LRP1B: variants seen among roughly 807,000 people sequenced by gnomAD.
LRP1B encodes the protein low-density lipoprotein receptor-related protein 1B.
In LRP1B, 217 loss-of-function variants were observed where a neutral mutation model predicts 556.6. The ratio of observed to expected loss-of-function variants is 0.39; its 90% CI spans 0.35 to 0.44. The LOEUF (loss-of-function observed/expected upper bound fraction) is 0.44, where lower values mean the gene tolerates loss of function less well. Ranked by LOEUF, LRP1B falls within the 20% of genes least tolerant of loss-of-function variation. The pLI, the probability that LRP1B is intolerant of heterozygous loss-of-function variation, is 1.00. For synonymous variants in LRP1B, 2,047 were observed against 1,865.8 expected (o/e 1.10, Z -2.50); for missense variants, 5,053 against 5,620.8 (o/e 0.90, Z 3.23).
At chr2:142,007,271 A>G (rs1702831750) in intron 1 of LRP1B, among the ~76,000 whole-genome samples, 1 of 152,192 alleles carries the variant, frequency 6.6e-6, no homozygotes, top group South Asian at 2.1e-4. Context: ...AAAATGCTGT[A>G]ACTCCCTCTT....
chr2:142,028,132 G>A (rs185856397), intron 1 of LRP1B, among the ~76,000 whole-genome samples: 5 of 152,036 alleles, frequency 3.3e-5, no homozygotes, highest in Admixed American at 2.6e-4. Flanking sequence ...CAAAAATAGA[G>A]ATTGCTCTTG....
At chr2:140,535,316 AT>A (rs1690901388) in intron 46 of LRP1B, among the ~76,000 whole-genome samples, 1 of 152,204 alleles carries the variant, frequency 6.6e-6, no homozygotes, top group South Asian at 2.1e-4. Flanking sequence ...TACAATTTAT[AT>A]GCTTTAATAT....
chr2:141,809,818 G>A (rs1421070376), intron 2 of LRP1B, among the ~76,000 whole-genome samples: 3 of 151,832 alleles, frequency 2.0e-5, no homozygotes, highest in Non-Finnish European at 4.4e-5. Context: ...AAATAACATG[G>A]GAACTAAAGC....
intron 7 of LRP1B, among the ~76,000 whole-genome samples, chr2:141,108,263 T>C (rs992437591): frequency 6.6e-6 from 1 of 150,748 alleles, no homozygotes; most frequent in Admixed American, 6.6e-5. Context: ...AAACAAGTAA[T>C]GGTACAAGGT....
chr2:140,924,239 A>C (rs910637308), intron 20 of LRP1B, among the ~76,000 whole-genome samples: 1 of 151,972 alleles, frequency 6.6e-6, no homozygotes, highest in African/African-American at 2.4e-5. Context: ...CAAAGTTCCT[A>C]ATAACAGTGA....
chr2:140,777,101 T>C (rs1208321306), intron 32 of LRP1B, among the ~76,000 whole-genome samples: 1 of 152,170 alleles, frequency 6.6e-6, no homozygotes, highest in Non-Finnish European at 1.5e-5. Flanking sequence ...AATAAAGTTA[T>C]AATGTAAAAG....
At chr2:141,614,683 C>T (rs1243856620) in intron 2 of LRP1B, among the ~76,000 whole-genome samples, 1 of 151,900 alleles carries the variant, frequency 6.6e-6, no homozygotes, top group East Asian at 1.9e-4. Flanking sequence ...TGAAGGAATG[C>T]CAAAGATTGT....
At chr2:140,531,907 T>C (rs1293808312) in intron 47 of LRP1B, among the ~76,000 whole-genome samples, 2 of 152,168 alleles carry the variant, frequency 1.3e-5, no homozygotes, top group Admixed American at 1.3e-4. Flanking sequence ...TATCCCTCTA[T>C]TAGTCCTGCA....
At chr2:141,083,780 A>AC (rs1247066092) in intron 7 of LRP1B, among the ~76,000 whole-genome samples, 20 of 152,084 alleles carry the variant, frequency 1.3e-4, no homozygotes, top group African/African-American at 3.4e-4. Context: ...GCCCTGTGCC[A>AC]CCTCAGGACT....
intron 3 of LRP1B, among the ~76,000 whole-genome samples, chr2:141,467,010 T>C (rs1319347582): frequency 6.7e-6 from 1 of 149,214 alleles, no homozygotes; most frequent in African/African-American, 2.5e-5. Context: ...TTTATGGACA[T>C]TTATCTAGGT....
intron 43 of LRP1B, among the ~76,000 whole-genome samples, chr2:140,595,104 A>C (rs879907060): frequency 0.13 from 7,181 of 57,078 alleles, 405 homozygotes; most frequent in African/African-American, 0.23. Flanking sequence ...ATATATATAT[A>C]TATATATATA....
At chr2:140,526,908 T>C (rs1008054394) in intron 47 of LRP1B, among the ~76,000 whole-genome samples, 19 of 151,768 alleles carry the variant, frequency 1.3e-4, no homozygotes, top group Non-Finnish European at 7.4e-5. Context: ...CACTGAACAC[T>C]GACTTTGTTT....
At chr2:141,722,390 T>C (rs1692853235) in intron 2 of LRP1B, among the ~76,000 whole-genome samples, 1 of 151,900 alleles carries the variant, frequency 6.6e-6, no homozygotes, top group Admixed American at 6.6e-5. Context: ...GGGGAAAAAA[T>C]GGTCTGAAGA....
intron 63 of LRP1B, among the ~76,000 whole-genome samples, chr2:140,446,640 C>T (rs1686670321): frequency 6.6e-6 from 1 of 151,942 alleles, no homozygotes. Context: ...GCTGTTAACC[C>T]ATCAACTACA....
chr2:140,743,857 C>T (rs1688221524), intron 35 of LRP1B, among the ~76,000 whole-genome samples: 1 of 145,270 alleles, frequency 6.9e-6, no homozygotes, highest in Non-Finnish European at 1.5e-5. Flanking sequence ...GCTGTAACTA[C>T]TCGGGAGGCT....
intron 41 of LRP1B, among the ~76,000 whole-genome samples, chr2:140,656,983 A>T (rs1684901578): frequency 1.3e-5 from 2 of 152,210 alleles, no homozygotes; most frequent in African/African-American, 4.8e-5. Context: ...AAAACAGACT[A>T]AGTTAAAAGT....
Position 142,130,734 on chromosome 2 carries a change from G to T in LRP1B, c.-5C>A, listed in dbSNP as rs1574717829. 6.2e-7 allele frequency: 1 copy of T among 1,609,336 alleles called. No individual in the cohort carries two copies. Among genetic ancestry groups the T allele is most frequent in the Non-Finnish European group, 8.5e-7 (1 of 1,177,692 alleles). On this transcript the variant is annotated 5_prime_UTR_variant, in exon 1 of 91. Coordinates refer to ENST00000389484, the MANE Select transcript of LRP1B (RefSeq NM_018557.3). ...GGCGAGGAGAAACTCGGACATTGTG[G>T]TCGCCCGGTAAGGAAGCCTGCGCTG...
At position 140,850,338 on chromosome 2, in the gene LRP1B, G is replaced by C. The variant is rs2105118501; in HGVS notation, c.4712-9C>G. On this transcript the variant is annotated splice_polypyrimidine_tract_variant and intron_variant, in intron 28 of 90. Coordinates refer to ENST00000389484, the MANE Select transcript of LRP1B (RefSeq NM_018557.3). ...AAGAAATTTTTTCATTTCTAAAAAA[G>C]AAATAGAAATTCTTTTCTCTTATGA... The C allele has an allele frequency of 1.3e-6, 2 of 1,522,382 alleles. No homozygotes were observed. The highest frequency in any genetic ancestry group is 1.8e-6 in the Non-Finnish European group (2 of 1,110,070). The allele number at this position is 1,522,382 out of a possible 1,614,324, so 94.3% of individuals were successfully genotyped here.
At chr2:141,614,520 G>T (rs1032131440) in intron 2 of LRP1B, among the ~76,000 whole-genome samples, 2 of 152,132 alleles carry the variant, frequency 1.3e-5, no homozygotes, top group African/African-American at 2.4e-5. Flanking sequence ...TAAGAATGAG[G>T]TCATTAGGGT....
Sources: allele counts gnomAD v4.1 joint callset (sites outside exome capture counted in the v4.1 genomes callset), GRCh38; gene constraint gnomAD v4.1.1; transcripts MANE v1.5; gene names NCBI Gene and HGNC (gene_info 2026-07-23, HGNC 2026-07-21).